GPC6: variants seen among roughly 807,000 people sequenced by gnomAD.
GPC6 encodes the protein glypican 6.
In GPC6, 14 loss-of-function variants were observed where a neutral mutation model predicts 55.2. The ratio of observed to expected loss-of-function variants is 0.25; its 90% CI spans 0.17 to 0.40. The LOEUF (loss-of-function observed/expected upper bound fraction) is 0.40, where lower values mean the gene tolerates loss of function less well. Ranked by LOEUF, GPC6 falls within the 10% of genes least tolerant of loss-of-function variation. The pLI, the probability that GPC6 is intolerant of heterozygous loss-of-function variation, is 1.00. For missense variants in GPC6, 641 were observed against 708.5 expected, an observed-to-expected ratio of 0.90 and a Z score of 1.08; for synonymous variants, 278 against 259.6, an observed-to-expected ratio of 1.07 and a Z score of -0.68.
chr13:93,502,350 A>G (rs1880553933), intron 1 of GPC6, among the ~76,000 whole-genome samples: 1 of 152,092 alleles, frequency 6.6e-6, no homozygotes, highest in Admixed American at 6.6e-5. Flanking sequence ...TGCCCCACAT[A>G]CTTTGTAAAT....
chr13:93,766,235 A>T (rs747401421), intron 2 of GPC6, among the ~76,000 whole-genome samples: 10 of 152,204 alleles, frequency 6.6e-5, no homozygotes, highest in Admixed American at 1.3e-4. Flanking sequence ...TGAAATTATA[A>T]AATTGAAGGA....
chr13:93,264,953 CACCA>C (rs1185469251), intron 1 of GPC6, among the ~76,000 whole-genome samples: 2 of 152,070 alleles, frequency 1.3e-5, no homozygotes, highest in Non-Finnish European at 2.9e-5. Flanking sequence ...AGTCTTCATT[CACCA>C]ACACTTTTTT....
chr13:94,261,442 A>G (rs908721843), intron 4 of GPC6, among the ~76,000 whole-genome samples: 4 of 152,340 alleles, frequency 2.6e-5, no homozygotes, highest in Middle Eastern at 3.4e-3. Context: ...AATACAAGAC[A>G]TTTGAGGGGG....
At chr13:93,603,543 G>A (rs1170227890) in intron 2 of GPC6, among the ~76,000 whole-genome samples, 8 of 152,286 alleles carry the variant, frequency 5.3e-5, no homozygotes, top group African/African-American at 1.7e-4. Flanking sequence ...TGAGGAAACT[G>A]AGACATGGAG....
chr13:94,183,019 C>A (rs570846392), intron 4 of GPC6, among the ~76,000 whole-genome samples: 1 of 152,318 alleles, frequency 6.6e-6, no homozygotes, highest in African/African-American at 2.4e-5. Flanking sequence ...CTCACACAAT[C>A]CTTCTGCCTC....
At chr13:93,929,716 TG>T (rs1203663484) in intron 3 of GPC6, among the ~76,000 whole-genome samples, 1 of 151,892 alleles carries the variant, frequency 6.6e-6, no homozygotes, top group Non-Finnish European at 1.5e-5. Flanking sequence ...AATTTTAAAA[TG>T]TCTAATAGCC....
intron 2 of GPC6, among the ~76,000 whole-genome samples, chr13:93,701,942 G>A (rs551945406): frequency 6.6e-6 from 1 of 151,982 alleles, no homozygotes; most frequent in South Asian, 2.1e-4. Context: ...AATCCATCAG[G>A]GTTGGAATCA....
At chr13:94,101,729 C>G (rs926723111) in intron 4 of GPC6, among the ~76,000 whole-genome samples, 1 of 151,930 alleles carries the variant, frequency 6.6e-6, no homozygotes, top group Non-Finnish European at 1.5e-5. Context: ...GGATTCTTCT[C>G]TATGCCATCT....
At chr13:94,280,054 C>A (rs1320223599) in intron 4 of GPC6, among the ~76,000 whole-genome samples, 1 of 152,096 alleles carries the variant, frequency 6.6e-6, no homozygotes, top group Non-Finnish European at 1.5e-5. Context: ...TAAAGTCTCC[C>A]ACTATTATTG....
Position 94,305,971 on chromosome 13 carries a change from T to C in GPC6, c.1009-9T>C, listed in dbSNP as rs780717090. 21 of 1,613,850 alleles carry C rather than the reference T, an allele frequency of 1.3e-5. No individual in the cohort carries two copies. Among genetic ancestry groups the C allele is most frequent in the African/African-American group, 4.0e-5 (3 of 74,932 alleles). On this transcript the variant is annotated splice_polypyrimidine_tract_variant and intron_variant, in intron 5 of 8. Coordinates refer to ENST00000377047, the MANE Select transcript of GPC6 (RefSeq NM_005708.5). ...TATAGCTGTTTTTACTTTTCAATGG[T>C]TCTTCCAGGTCTTTCAGGGATGTGG...
chr13:93,758,451 A>T (rs1884850984), intron 2 of GPC6, among the ~76,000 whole-genome samples: 1 of 152,114 alleles, frequency 6.6e-6, no homozygotes, highest in African/African-American at 2.4e-5. Flanking sequence ...TGTCTCTGGG[A>T]TATCTATGTA....
At chr13:93,331,602 G>A (rs1222950584) in intron 1 of GPC6, among the ~76,000 whole-genome samples, 2 of 151,144 alleles carry the variant, frequency 1.3e-5, no homozygotes, top group African/African-American at 4.9e-5. Context: ...ATTTTAAAAC[G>A]TATTTTCCCC....
chr13:93,790,222 C>T (rs569823854), intron 2 of GPC6, among the ~76,000 whole-genome samples: 40 of 152,040 alleles, frequency 2.6e-4, no homozygotes, highest in Non-Finnish European at 5.4e-4. Context: ...TAAGGCCTTT[C>T]AAATAAAACA....
chr13:93,707,665 G>A (rs1882898622), intron 2 of GPC6, among the ~76,000 whole-genome samples: 1 of 151,654 alleles, frequency 6.6e-6, no homozygotes, highest in South Asian at 2.1e-4. Flanking sequence ...ATGAAAGAAA[G>A]ATAGCTAGCA....
chr13:93,290,570 G>A (rs914019729), intron 1 of GPC6, among the ~76,000 whole-genome samples: 5 of 152,064 alleles, frequency 3.3e-5, no homozygotes, highest in African/African-American at 7.2e-5. Context: ...GATTTTCAAA[G>A]CAACATAGAT....
At chr13:93,439,690 TAAAA>T (rs11326410) in intron 1 of GPC6, among the ~76,000 whole-genome samples, 2 of 144,534 alleles carry the variant, frequency 1.4e-5, no homozygotes, top group African/African-American at 5.3e-5. Context: ...ATAAAATAAA[TAAAA>T]AAAATAAAAT....
In GPC6 at chr13:94,049,681, CCT is replaced by C. The variant is rs144570676; in HGVS notation, c.877+21788_877+21789del. The stretch of plus-strand genomic sequence containing the variant: ...ATGCACCTTCTTAGTGACTCTTTCC[CCT>C]GTTACTTGATATAAAATTTTCATCA... On this transcript the variant is annotated intron_variant, in intron 4 of 8. Transcript: ENST00000377047. 5.5e-3 allele frequency among the ~76,000 whole-genome samples: 838 copies of C among 152,186 alleles called. 12 individuals carry two copies. Among genetic ancestry groups the C allele is most frequent in the African/African-American group, 0.019 (806 of 41,534 alleles).
At chr13:93,516,601 A>T (rs527757196) in intron 1 of GPC6, among the ~76,000 whole-genome samples, 1 of 152,334 alleles carries the variant, frequency 6.6e-6, no homozygotes, top group East Asian at 1.9e-4. Flanking sequence ...GGGAAATAAA[A>T]AAAATAATTA....
intron 4 of GPC6, among the ~76,000 whole-genome samples, chr13:94,233,185 G>A (rs568678692): frequency 6.6e-5 from 10 of 151,816 alleles, no homozygotes; most frequent in East Asian, 1.9e-4. Context: ...ATTTAAAAGC[G>A]CTAGAGGAAC....
Sources: allele counts gnomAD v4.1 joint callset (sites outside exome capture counted in the v4.1 genomes callset), GRCh38; gene constraint gnomAD v4.1.1; transcripts MANE v1.5; gene names NCBI Gene and HGNC (gene_info 2026-07-23, HGNC 2026-07-21).